SCNN1G: variants seen among roughly 807,000 people sequenced by gnomAD.
SCNN1G encodes sodium channel epithelial 1 subunit gamma.
A neutral mutation model predicts 64.6 loss-of-function variants in SCNN1G; 27 were observed. The ratio of observed to expected loss-of-function variants is 0.42; its 90% CI spans 0.31 to 0.58. SCNN1G has a LOEUF of 0.58. Ranked by LOEUF, SCNN1G falls within the 20% of genes least tolerant of loss-of-function variation. The probability of loss-of-function intolerance (pLI) is 0.18; values close to 1 mark genes in which losing one functional copy is unlikely to be tolerated. For synonymous variants in SCNN1G, 330 were observed against 314.2 expected (o/e 1.05, Z -0.53); for missense variants, 743 against 823.4 (o/e 0.90, Z 1.19).
At chr16:23,204,330 TATATAGAGAG>T (rs1430220514) in intron 6 of SCNN1G, among the ~76,000 whole-genome samples, 30 of 34,456 alleles carry the variant, frequency 8.7e-4, no homozygotes, top group Admixed American at 1.6e-3. Flanking sequence ...TATATATATA[TATATAGAGAG>T]AGAGAGAGAG....
chr16:23,212,115 G>A lies in SCNN1G; in HGVS notation c.1258G>A (p.Ala420Thr), dbSNP rs1960088664. The change falls in exon 8 of 13, where the codon GCC becomes ACC. Residue 420 changes from alanine to threonine, a missense_variant. Transcript: ENST00000300061. The part of the protein sequence containing the change: ...AQYSQPLPPA[A>T]NYCNYQQHPN... ...GTACAGCCAGCCTCTACCTCCTGCAGCCAACTACTGCAACTACCAGCAGCA... is the reference window on the plus strand; with the variant it reads ...GTACAGCCAGCCTCTACCTCCTGCAACCAACTACTGCAACTACCAGCAGCA... 1 of 1,613,570 alleles carries A rather than the reference G, an allele frequency of 6.2e-7. No individual in the cohort carries two copies. Among genetic ancestry groups the A allele is most frequent in the Non-Finnish European group, 8.5e-7 (1 of 1,179,678 alleles).
In SCNN1G at chr16:23,215,081, T is replaced by G; in HGVS notation, c.1570-8T>G. 1 of 1,613,948 alleles carries G rather than the reference T, an allele frequency of 6.2e-7. No homozygotes were observed. Among genetic ancestry groups the G allele is most frequent in the Non-Finnish European group, 8.5e-7 (1 of 1,179,978 alleles). ...CCTCTTGATGGTGTGGCTTGGCCTG[T>G]CTTGCAGATTGAGATGCTTCTGTCC... On this transcript the variant is annotated splice_polypyrimidine_tract_variant and splice_region_variant and intron_variant, in intron 12 of 12. Transcript: ENST00000300061.
chr16:23,191,858 G>A (rs1028735080), intron 3 of SCNN1G, among the ~76,000 whole-genome samples: 10 of 152,292 alleles, frequency 6.6e-5, no homozygotes, highest in East Asian at 5.8e-4. Flanking sequence ...GCTACCACAC[G>A]TGGTTGGGAA....
chr16:23,206,754 T>A (rs1448367212), intron 6 of SCNN1G, among the ~76,000 whole-genome samples: 1 of 152,124 alleles, frequency 6.6e-6, no homozygotes, highest in South Asian at 2.1e-4. Flanking sequence ...TACACATACA[T>A]GCCCACATCC....
chr16:23,197,472 T>TC, intron 6 of SCNN1G, 45 bp downstream of exon 6: 1 of 1,531,190 alleles, frequency 6.5e-7, no homozygotes, highest in Non-Finnish European at 9.0e-7. Context: ...AGAACAGATC[T>TC]TTTTTTTTCC....
chr16:23,182,906 T>A (rs1959542741), intron 1 of SCNN1G, 93 bp downstream of exon 1: 1 of 152,420 alleles, frequency 6.6e-6, no homozygotes, highest in Non-Finnish European at 1.5e-5. Context: ...GTCAGCGCGG[T>A]GGGTGGCCGA....
At position 23,215,290 on chromosome 16, in the gene SCNN1G, C is replaced by A. The variant is rs1451382607; in HGVS notation, c.1771C>A (p.Gln591Lys). ...AGAAGCTCCCCGTAGCCCACAGGGC[C>A]AGGACAATCCAGCCCTGGATATAGA... Reference protein sequence around the residue: ...CPEAPRSPQGQDNPALDIDDD... With the variant: ...CPEAPRSPQGKDNPALDIDDD... Residue 591 changes from glutamine to lysine, a missense_variant, in exon 13 of 13, where the codon CAG becomes AAG. Gln to Lys is a moderately conservative substitution (Grantham distance 53). Transcript: ENST00000300061. 1 of 1,614,054 alleles carries A rather than the reference C, an allele frequency of 6.2e-7. No individual in the cohort carries two copies. Among genetic ancestry groups the A allele is most frequent in the African/African-American group, 1.3e-5 (1 of 74,924 alleles).
intron 2 of SCNN1G, among the ~76,000 whole-genome samples, chr16:23,187,657 C>A (rs1031363838): frequency 2.0e-5 from 3 of 152,324 alleles, no homozygotes; most frequent in African/African-American, 7.2e-5. Context: ...TCTGTAAGCA[C>A]CTCAGCTGCC....
At chr16:23,214,573 T>C (rs1459063551) in intron 11 of SCNN1G, 139 bp from the exon 12 acceptor site, 2 of 721,092 alleles carry the variant, frequency 2.8e-6, no homozygotes, top group East Asian at 5.2e-5. Context: ...GGAGCCCTTA[T>C]GGGCCAGGTT....
At chr16:23,205,192 C>T (rs1246066471) in intron 6 of SCNN1G, among the ~76,000 whole-genome samples, 2 of 152,112 alleles carry the variant, frequency 1.3e-5, no homozygotes, top group Admixed American at 1.3e-4. Flanking sequence ...TGTTCGGATC[C>T]AAGCCTACAT....
At position 23,212,818 on chromosome 16, in the gene SCNN1G, C is replaced by G. The variant is rs1359082345; in HGVS notation, c.1374-19C>G. The G allele has an allele frequency of 6.2e-7, 1 of 1,614,054 alleles. No individual in the cohort carries two copies. Among genetic ancestry groups the G allele is most frequent in the African/African-American group, 1.3e-5 (1 of 75,080 alleles). On this transcript the variant is annotated intron_variant, in intron 9 of 12. Coordinates refer to ENST00000300061, the MANE Select transcript of SCNN1G (RefSeq NM_001039.4). ...TTGGGTTGGGCTGCCTACACTCATG[C>G]TGTCCCCTCCTCCCTTAGCTTTAAA...
Position 23,215,539 on chromosome 16 carries a change from C to G in SCNN1G, c.*70C>G. The stretch of plus-strand genomic sequence containing the variant: ...TCTAAGGACATGGATCGGGTGCCCC[C>G]AGACGTGTGCACAGGGGACCCTCTG... On this transcript the variant is annotated 3_prime_UTR_variant, in exon 13 of 13. Coordinates refer to ENST00000300061, the MANE Select transcript of SCNN1G (RefSeq NM_001039.4). 1 of 1,571,600 alleles carries G rather than the reference C, an allele frequency of 6.4e-7. No individual in the cohort carries two copies. Among genetic ancestry groups the G allele is most frequent in the Admixed American group, 1.7e-5 (1 of 59,954 alleles).
chr16:23,215,297 A>G lies in SCNN1G; in HGVS notation c.1778A>G (p.Asn593Ser). The change falls in exon 13 of 13, where the codon AAT becomes AGT. Residue 593 changes from asparagine (N) to serine (S), a missense_variant. Coordinates refer to ENST00000300061, the MANE Select transcript of SCNN1G (RefSeq NM_001039.4). ...EAPRSPQGQDNPALDIDDDLP... is the reference protein window; with the variant it reads ...EAPRSPQGQDSPALDIDDDLP... ...CCCCGTAGCCCACAGGGCCAGGACA[A>G]TCCAGCCCTGGATATAGACGATGAC... 2 of 1,614,148 alleles carry G rather than the reference A, an allele frequency of 1.2e-6. No individual in the cohort carries two copies. Among genetic ancestry groups the G allele is most frequent in the South Asian group, 1.1e-5 (1 of 91,080 alleles).
chr16:23,186,483 G>A lies in SCNN1G; in HGVS notation c.212G>A (p.Cys71Tyr), dbSNP rs1959608569. 9.3e-6 allele frequency: 15 copies of A among 1,613,998 alleles called. No homozygotes were observed. The highest frequency in any genetic ancestry group is 1.3e-5 in the Non-Finnish European group (15 of 1,180,042). Residue 71 changes from cysteine (C) to tyrosine (Y), a missense_variant, in exon 2 of 13, where the codon TGC becomes TAC. Physicochemically the swap from Cys to Tyr is radical, Grantham distance 194. Transcript: ENST00000300061. ...GCCGTGGCCCTCATCCTCTGGCAGT[G>A]CGCCCTCCTCGTCTTCTCCTTCTAT... Reference protein sequence around the residue: ...LTAVALILWQCALLVFSFYTV... With the variant: ...LTAVALILWQYALLVFSFYTV...
chr16:23,211,754 G>A (rs1960082509), intron 7 of SCNN1G, among the ~76,000 whole-genome samples: 1 of 152,220 alleles, frequency 6.6e-6, no homozygotes, highest in African/African-American at 2.4e-5. Flanking sequence ...AGAGGTTGCA[G>A]TGAGCTGAGA....
rs528336880 is a variant in SCNN1G, at chr16:23,189,489, G to T, written c.436G>T (p.Val146Phe). 6.2e-7 allele frequency: 1 copy of T among 1,614,198 alleles called. No homozygotes were observed. The highest frequency in any genetic ancestry group is 8.5e-7 in the Non-Finnish European group (1 of 1,180,034). Residue 146 changes from valine (V) to phenylalanine (F), a missense_variant, in exon 3 of 13, where the codon GTC becomes TTC. Val to Phe is a conservative substitution (Grantham distance 50). Transcript: ENST00000300061. Reference sequence around the variant, plus strand: ...CCGAGAGGCGGAGTCCTGGAACTCCGTCTCAGAGGGAAAGCAGCCTAGATT... The same window carrying T: ...CCGAGAGGCGGAGTCCTGGAACTCCTTCTCAGAGGGAAAGCAGCCTAGATT... ...KRREAESWNSVSEGKQPRFSH... is the reference protein window; with the variant it reads ...KRREAESWNSFSEGKQPRFSH...
chr16:23,212,648 G>A, intron 8 of SCNN1G, 30 bp from the exon 9 acceptor site: 1 of 1,585,960 alleles, frequency 6.3e-7, no homozygotes, highest in Non-Finnish European at 8.7e-7. Context: ...TGGCTCCAAA[G>A]CTCATGCTGC....
intron 6 of SCNN1G, among the ~76,000 whole-genome samples, chr16:23,200,423 G>GTGTC (rs1389231943): frequency 2.6e-5 from 4 of 152,308 alleles, no homozygotes; most frequent in African/African-American, 9.6e-5. Flanking sequence ...AAAGCTAATT[G>GTGTC]TGTCTTCCCA....
chr16:23,215,703 A>T lies in SCNN1G; in HGVS notation c.*234A>T. 1.7e-6 allele frequency: 1 copy of T among 599,146 alleles called. No homozygotes were observed. Among genetic ancestry groups the T allele is most frequent in the South Asian group, 2.0e-5 (1 of 50,816 alleles). 37.1% of individuals were successfully genotyped at this position (599,146 alleles called of 1,614,324 possible). A position where few individuals can be genotyped will look rare whatever the true frequency, so the allele number is the denominator to read the frequency against. On this transcript the variant is annotated 3_prime_UTR_variant, in exon 13 of 13. Coordinates refer to ENST00000300061, the MANE Select transcript of SCNN1G (RefSeq NM_001039.4). Reference sequence around the variant, plus strand: ...TGTCCAGGCTGAGATAAATCCCGGGACCTGAACTATTAGCACGTCACTAGA... The same window carrying T: ...TGTCCAGGCTGAGATAAATCCCGGGTCCTGAACTATTAGCACGTCACTAGA...
Sources: gnomAD v4.1 joint callset for allele counts (sites outside exome capture counted in the v4.1 genomes callset) on GRCh38, gnomAD v4.1.1 for gene constraint, MANE v1.5 for transcripts, NCBI Gene and HGNC (gene_info 2026-07-23, HGNC 2026-07-21) for gene names.